The following MARK3 variants were observed in gnomAD, a reference collection of about 807,000 sequenced individuals.
MARK3 encodes the protein MAP/microtubule affinity-regulating kinase 3.
Under a neutral mutation model 90.1 loss-of-function variants are expected in MARK3, and 46 were observed. That is an observed-to-expected ratio of 0.51 (90% CI 0.40 to 0.65). The LOEUF is 0.65. MARK3 is among the 30% of genes least tolerant of loss of function. The pLI is 0.00. For synonymous variants in MARK3, 321 were observed against 332.6 expected (o/e 0.97, Z 0.38); for missense variants, 818 against 947.2 (o/e 0.86, Z 1.79).
intron 1 of MARK3, among the ~76,000 whole-genome samples, chr14:103,396,919 G>A (rs1354365139): frequency 6.6e-6 from 1 of 152,072 alleles, no homozygotes; most frequent in African/African-American, 2.4e-5. Context: ...GAATTTAGGT[G>A]TTCTGTAAGT....
chr14:103,458,454 CAAAAAA>C (rs36020485), intron 6 of MARK3, among the ~76,000 whole-genome samples: 12 of 30,786 alleles, frequency 3.9e-4, no homozygotes, highest in Admixed American at 1.6e-3. Context: ...GACTCCATCT[CAAAAAA>C]AAAAAAAAAA....
chr14:103,494,991 A>T (rs1210825833), intron 15 of MARK3, among the ~76,000 whole-genome samples: 1 of 152,268 alleles, frequency 6.6e-6, no homozygotes, highest in Non-Finnish European at 1.5e-5. Flanking sequence ...ATGTATGTAC[A>T]TTATATATAT....
At chr14:103,495,637 G>A (rs766434393) in intron 15 of MARK3, among the ~76,000 whole-genome samples, 3 of 152,108 alleles carry the variant, frequency 2.0e-5, no homozygotes, top group Non-Finnish European at 1.5e-5. Context: ...ACTCAGGCTT[G>A]TTGTTTAAAA....
intron 1 of MARK3, among the ~76,000 whole-genome samples, chr14:103,392,107 CA>C (rs1181368421): frequency 1.3e-5 from 2 of 152,118 alleles, no homozygotes; most frequent in Non-Finnish European, 2.9e-5. Flanking sequence ...TTAGTTAATG[CA>C]AATAGTCCCC....
intron 16 of MARK3, 137 bp from the exon 17 acceptor site, chr14:103,500,019 G>A (rs1011162847): frequency 1.8e-5 from 13 of 711,254 alleles, no homozygotes; most frequent in African/African-American, 1.2e-4. Flanking sequence ...GTTTTCATAA[G>A]CCCGGCTGGT....
intron 3 of MARK3, among the ~76,000 whole-genome samples, chr14:103,447,024 T>A (rs1282042418): frequency 6.6e-6 from 1 of 152,126 alleles, no homozygotes; most frequent in Non-Finnish European, 1.5e-5. Context: ...CAAAGGGAGA[T>A]GTTTATGTTG....
chr14:103,496,632 C>G (rs1235210348), intron 15 of MARK3, among the ~76,000 whole-genome samples: 2 of 151,882 alleles, frequency 1.3e-5, no homozygotes, highest in African/African-American at 4.8e-5. Flanking sequence ...AGGCTGGTCA[C>G]AAACTCCTGA....
intron 16 of MARK3, chr14:103,499,558 T>C (rs1293799211): frequency 6.6e-6 from 1 of 152,354 alleles, no homozygotes; most frequent in Non-Finnish European, 1.5e-5. Flanking sequence ...AGGGCTACAT[T>C]GTACCTGTGC....
At chr14:103,442,369 C>CAA (rs11397354) in intron 3 of MARK3, among the ~76,000 whole-genome samples, 274 of 145,146 alleles carry the variant, frequency 1.9e-3, no homozygotes, top group Middle Eastern at 3.6e-3. Flanking sequence ...GACTCCGTCT[C>CAA]AAAAAAAAAA....
chr14:103,475,262 G>C, intron 13 of MARK3, 52 bp downstream of exon 13: 1 of 1,488,208 alleles, frequency 6.7e-7, no homozygotes. Context: ...GTTGGAACCA[G>C]CTAGACACCA....
At chr14:103,463,438 G>C (rs2093440187) in intron 7 of MARK3, among the ~76,000 whole-genome samples, 1 of 152,128 alleles carries the variant, frequency 6.6e-6, no homozygotes, top group Admixed American at 6.6e-5. Flanking sequence ...ACCCAGCTGA[G>C]CAAAGGGTGT....
At chr14:103,404,934 G>C (rs1431906583) in intron 1 of MARK3, 142 bp from the exon 2 acceptor site, 3 of 547,572 alleles carry the variant, frequency 5.5e-6, no homozygotes, top group Non-Finnish European at 9.3e-6. Flanking sequence ...TTTATATTAT[G>C]TGGTTAAATT....
intron 4 of MARK3, among the ~76,000 whole-genome samples, chr14:103,451,266 A>G (rs1190278529): frequency 1.3e-5 from 2 of 152,152 alleles, no homozygotes; most frequent in Admixed American, 1.3e-4. Context: ...GGTTTTATGA[A>G]TTAGCAGTGA....
intron 2 of MARK3, among the ~76,000 whole-genome samples, chr14:103,419,809 A>G (rs2092128886): frequency 1.3e-5 from 2 of 152,200 alleles, no homozygotes; most frequent in Admixed American, 1.3e-4. Context: ...GATTTGCTTC[A>G]ATTAAAAATT....
chr14:103,458,560 G>C (rs1322534256), intron 6 of MARK3, among the ~76,000 whole-genome samples: 1 of 152,090 alleles, frequency 6.6e-6, no homozygotes, highest in African/African-American at 2.4e-5. Flanking sequence ...GGATGGGCCG[G>C]ATGTAGCCAG....
intron 12 of MARK3, among the ~76,000 whole-genome samples, chr14:103,474,708 T>C (rs2093686654): frequency 6.6e-6 from 1 of 152,182 alleles, no homozygotes; most frequent in Non-Finnish European, 1.5e-5. Flanking sequence ...AGTTTGAATC[T>C]ATGCAGTACC....
intron 5 of MARK3, among the ~76,000 whole-genome samples, chr14:103,455,884 T>G (rs917069881): frequency 6.6e-6 from 1 of 152,186 alleles, no homozygotes. Flanking sequence ...ATCAAAATAT[T>G]TTAGTTTAAT....
intron 3 of MARK3, among the ~76,000 whole-genome samples, chr14:103,447,338 T>A (rs987906106): frequency 3.3e-5 from 5 of 152,178 alleles, no homozygotes; most frequent in African/African-American, 1.2e-4. Context: ...CTGGTCCATG[T>A]CCATCTCCTC....
intron 14 of MARK3, among the ~76,000 whole-genome samples, chr14:103,484,794 G>A (rs1428397860): frequency 6.6e-6 from 1 of 151,634 alleles, no homozygotes; most frequent in Non-Finnish European, 1.5e-5. Flanking sequence ...GGTGGCATGC[G>A]CCTGTAGTCC....
Sources: gnomAD v4.1 joint callset for allele counts (sites outside exome capture counted in the v4.1 genomes callset) on GRCh38, gnomAD v4.1.1 for gene constraint, MANE v1.5 for transcripts, NCBI Gene and HGNC (gene_info 2026-07-23, HGNC 2026-07-21) for gene names.